The following ITGAV variants were observed in gnomAD, a reference collection of about 807,000 sequenced individuals.
The protein encoded by ITGAV is integrin alpha-V.
In ITGAV, 76 loss-of-function variants were observed where a neutral mutation model predicts 143.8. The ratio of observed to expected loss-of-function variants is 0.53; its 90% CI spans 0.44 to 0.64. ITGAV has a LOEUF of 0.64. Ranked by LOEUF, ITGAV falls within the 30% of genes least tolerant of loss-of-function variation. ITGAV has a pLI of 0.00. For synonymous variants in ITGAV, 453 were observed against 446.7 expected (o/e 1.01, Z -0.18); for missense variants, 1,193 against 1,274.7 (o/e 0.94, Z 0.98).
chr2:186,605,119 T>C (rs1232267587), intron 2 of ITGAV, among the ~76,000 whole-genome samples: 1 of 152,226 alleles, frequency 6.6e-6, no homozygotes, highest in Non-Finnish European at 1.5e-5. Context: ...AAATGTGACC[T>C]CTAGGCCTGA....
At chr2:186,652,931 A>ATTTTTTTTTT (rs35139936) in intron 15 of ITGAV, among the ~76,000 whole-genome samples, 2 of 82,424 alleles carry the variant, frequency 2.4e-5, no homozygotes, top group Admixed American at 1.8e-4. Context: ...TTCATTATAG[A>ATTTTTTTTTT]TTTTTTTTTT....
intron 24 of ITGAV, 95 bp from the exon 25 acceptor site, chr2:186,668,667 C>T (rs1405317578): frequency 2.8e-6 from 3 of 1,078,684 alleles, no homozygotes; most frequent in African/African-American, 1.6e-5. Flanking sequence ...TATTTAAAAC[C>T]TATTGCTAAC....
rs541872607 is a variant in ITGAV at position 186,611,031 on chromosome 2, G to A, written c.316+8880G>A. On this transcript the variant is annotated intron_variant, in intron 2 of 29. Transcript: ENST00000261023. ...AATGGATTCACTGGGCCAAATCAAG[G>A]TGAGAAACTGTTTCCTTTCCATTTC... 2.4e-4 allele frequency among the ~76,000 whole-genome samples: 36 copies of A among 152,226 alleles called. 1 individual carries two copies. The highest frequency in any genetic ancestry group is 2.4e-3 in the Admixed American group (36 of 15,290).
chr2:186,616,083 C>T (rs1176489426), intron 2 of ITGAV, among the ~76,000 whole-genome samples: 1 of 151,962 alleles, frequency 6.6e-6, no homozygotes, highest in Non-Finnish European at 1.5e-5. Context: ...ATTTGCTTGG[C>T]ATCTTTGTCA....
At chr2:186,591,208 G>A (rs1220426656) in intron 1 of ITGAV, among the ~76,000 whole-genome samples, 1 of 152,182 alleles carries the variant, frequency 6.6e-6, no homozygotes, top group East Asian at 1.9e-4. Context: ...AAGGGTGTTT[G>A]CTGAGTTTTC....
chr2:186,599,813 G>A (rs1177147716), intron 1 of ITGAV, among the ~76,000 whole-genome samples: 2 of 152,178 alleles, frequency 1.3e-5, no homozygotes, highest in Non-Finnish European at 2.9e-5. Context: ...AAATCTAGGT[G>A]GCATTCTTGA....
intron 1 of ITGAV, among the ~76,000 whole-genome samples, chr2:186,601,678 T>C (rs920400075): frequency 3.3e-5 from 5 of 151,958 alleles, no homozygotes; most frequent in Admixed American, 1.3e-4. Flanking sequence ...AACAAAACTT[T>C]CCTGCCTCTA....
chr2:186,590,563 C>A lies in ITGAV; in HGVS notation c.185+40C>A, dbSNP rs772107344. 1.0e-5 allele frequency: 16 copies of A among 1,558,804 alleles called. No individual in the cohort carries two copies. In the East Asian group the frequency reaches 3.4e-4, roughly 33 times the overall value. On this transcript the variant is annotated intron_variant, in intron 1 of 29. Transcript: ENST00000261023. ...TTGGAACTGGAGCCGGCCCCCTCCC[C>A]CACCGCGCGCACCCACCCAGCGTTT... is the stretch of plus-strand genomic sequence containing the variant.
intron 24 of ITGAV, among the ~76,000 whole-genome samples, chr2:186,668,218 T>TATATATATA (rs1688967896): frequency 4.8e-5 from 1 of 20,718 alleles, no homozygotes; most frequent in African/African-American, 1.7e-4. Flanking sequence ...ATATATATAT[T>TATATATATA]TTTTTTTTTT....
At chr2:186,626,755 A>G (rs1372870783) in intron 4 of ITGAV, among the ~76,000 whole-genome samples, 1 of 152,178 alleles carries the variant, frequency 6.6e-6, no homozygotes, top group Non-Finnish European at 1.5e-5. Flanking sequence ...TGTGTTAGGA[A>G]AGAGAAAAAA....
At chr2:186,662,242 T>C (rs1238370817) in intron 18 of ITGAV, among the ~76,000 whole-genome samples, 1 of 152,230 alleles carries the variant, frequency 6.6e-6, no homozygotes, top group Non-Finnish European at 1.5e-5. Context: ...CAAGCGTTGA[T>C]TTATATTTGG....
At chr2:186,656,877 T>G (rs1397451326) in intron 17 of ITGAV, among the ~76,000 whole-genome samples, 1 of 151,874 alleles carries the variant, frequency 6.6e-6, no homozygotes, top group Non-Finnish European at 1.5e-5. Context: ...ACGACAGAGG[T>G]GCATTCTGAT....
At chr2:186,661,330 AG>A (rs1402075226) in intron 18 of ITGAV, among the ~76,000 whole-genome samples, 1 of 152,206 alleles carries the variant, frequency 6.6e-6, no homozygotes, top group Non-Finnish European at 1.5e-5. Context: ...TTGTAGTAAG[AG>A]AATTAAGCAT....
In ITGAV at chr2:186,669,720, C is replaced by A; in HGVS notation, c.2612C>A (p.Thr871Asn). Reference protein sequence around the residue: ...LRIKISSLQTTEKNDTVAGQG... With the variant: ...LRIKISSLQTNEKNDTVAGQG... Reference sequence around the variant, plus strand: ...CATTAGATCTCATCTTTGCAAACAACTGAAAAGAATGACACGGTTGCCGGG... The same window carrying A: ...CATTAGATCTCATCTTTGCAAACAAATGAAAAGAATGACACGGTTGCCGGG... The change falls in exon 26 of 30, where the codon ACT (threonine) becomes AAT (asparagine). Residue 871 changes from threonine (T) to asparagine (N), a missense_variant. Physicochemically the swap from Thr to Asn is moderately conservative, Grantham distance 65. Transcript: ENST00000261023. 6.2e-7 allele frequency: 1 copy of A among 1,613,464 alleles called. No homozygotes were observed. Among genetic ancestry groups the A allele is most frequent in the Non-Finnish European group, 8.5e-7 (1 of 1,179,668 alleles).
intron 27 of ITGAV, 49 bp downstream of exon 27, chr2:186,675,766 T>A (rs2105755306): frequency 6.4e-7 from 1 of 1,557,628 alleles, no homozygotes; most frequent in East Asian, 2.2e-5. Flanking sequence ...TGTTTTCAAA[T>A]AAATATAAAA....
intron 10 of ITGAV, among the ~76,000 whole-genome samples, chr2:186,640,539 C>T (rs1688073331): frequency 6.6e-6 from 1 of 152,090 alleles, no homozygotes; most frequent in Non-Finnish European, 1.5e-5. Context: ...TTGTCTGTGA[C>T]TATATATCTT....
intron 28 of ITGAV, 125 bp from the exon 29 acceptor site, chr2:186,676,688 A>T: frequency 9.5e-7 from 1 of 1,057,268 alleles, no homozygotes; most frequent in Non-Finnish European, 1.3e-6. Flanking sequence ...GAAACCACTA[A>T]ATTATCATAT....
chr2:186,652,821 A>G (rs1178094827), intron 15 of ITGAV, among the ~76,000 whole-genome samples: 1 of 152,012 alleles, frequency 6.6e-6, no homozygotes, highest in African/African-American at 2.4e-5. Context: ...AAAGAAAAAT[A>G]TAATAATTTT....
In ITGAV at chr2:186,676,903, C is replaced by T; in HGVS notation, c.3019C>T (p.Leu1007=). 6.2e-7 allele frequency: 1 copy of T among 1,613,788 alleles called. No individual in the cohort carries two copies. Among genetic ancestry groups the T allele is most frequent in the Non-Finnish European group, 8.5e-7 (1 of 1,179,926 alleles). Residue 1007 remains leucine, a synonymous_variant, in exon 29 of 30, where the codon CTA becomes TTA. Coordinates refer to ENST00000261023, the MANE Select transcript of ITGAV (RefSeq NM_002210.5). ...IILAVLAGLL[L]LAVLVFVMYR... ...TTTAGCAGTTCTAGCAGGATTGTTG[C>T]TACTGGCTGTTTTGGTATTTGTAAT...
Sources: allele counts gnomAD v4.1 joint callset (sites outside exome capture counted in the v4.1 genomes callset), GRCh38; gene constraint gnomAD v4.1.1; transcripts MANE v1.5; gene names NCBI Gene and HGNC (gene_info 2026-07-23, HGNC 2026-07-21).